Variants in COL9A1 observed in about 807,000 individuals in gnomAD.
COL9A1 encodes the protein collagen type IX alpha 1 chain.
A neutral mutation model predicts 142.6 loss-of-function variants in COL9A1; 104 were observed. The ratio of observed to expected loss-of-function variants is 0.73; its 90% confidence interval spans 0.62 to 0.86. COL9A1 has a LOEUF of 0.86. Ranked by LOEUF, COL9A1 falls within the 40% of genes least tolerant of loss-of-function variation. The pLI is 0.00. For missense variants in COL9A1, 1,210 were observed against 1,176.6 expected (o/e 1.03, Z -0.42); for synonymous variants, 466 against 396.0 (o/e 1.18, Z -2.10).
At chr6:70,249,304 T>G (rs1446452563) in intron 28 of COL9A1, among the ~76,000 whole-genome samples, 1 of 152,096 alleles carries the variant, frequency 6.6e-6, no homozygotes, top group African/African-American at 2.4e-5. Flanking sequence ...GCATTTTTGT[T>G]TGTCCCAGTG....
At chr6:70,286,519 A>G (rs1374628504) in intron 5 of COL9A1, among the ~76,000 whole-genome samples, 1 of 152,234 alleles carries the variant, frequency 6.6e-6, no homozygotes, top group Non-Finnish European at 1.5e-5. Flanking sequence ...AAATTTTACA[A>G]CTATAAAACA....
intron 5 of COL9A1, 138 bp downstream of exon 5, chr6:70,294,029 T>G: frequency 8.6e-7 from 1 of 1,163,662 alleles, no homozygotes; most frequent in South Asian, 1.3e-5. Flanking sequence ...GACCAGAAGC[T>G]ATCTACTTAA....
chr6:70,234,463 TGTGTATCTAC>T, intron 35 of COL9A1, 66 bp downstream of exon 35: 1 of 1,448,678 alleles, frequency 6.9e-7, no homozygotes, highest in Non-Finnish European at 9.7e-7. Context: ...TGTTTACCCT[TGTGTATCTAC>T]AAGAATAAAA....
chr6:70,257,440 T>G (rs539099615), intron 20 of COL9A1, among the ~76,000 whole-genome samples: 73 of 152,216 alleles, frequency 4.8e-4, no homozygotes, highest in African/African-American at 1.5e-3. Flanking sequence ...ATTAATAGAT[T>G]GGTAAATCTA....
intron 17 of COL9A1, among the ~76,000 whole-genome samples, chr6:70,268,420 G>T (rs926645853): frequency 1.3e-5 from 2 of 152,058 alleles, no homozygotes; most frequent in African/African-American, 2.4e-5. Flanking sequence ...TCCCTCTGTT[G>T]TCCAGGTTGG....
At chr6:70,270,217 A>G (rs2127589691) in intron 15 of COL9A1, 97 bp downstream of exon 15, 2 of 1,246,448 alleles carry the variant, frequency 1.6e-6, no homozygotes, top group Non-Finnish European at 2.4e-6. Context: ...ATTTGGGACA[A>G]TGACTCAATT....
chr6:70,242,056 C>G (rs2127565945), intron 29 of COL9A1, 21 bp from the exon 30 acceptor site: 1 of 1,577,086 alleles, frequency 6.3e-7, no homozygotes. Context: ...AAAACAAAGT[C>G]CCCGGAGTTA....
chr6:70,287,026 T>C (rs1583337583), intron 5 of COL9A1, among the ~76,000 whole-genome samples: 1 of 152,236 alleles, frequency 6.6e-6, no homozygotes, highest in South Asian at 2.1e-4. Context: ...ATAAATACTA[T>C]AGCAGTGGAG....
chr6:70,230,133 A>G (rs1769458967), intron 36 of COL9A1, among the ~76,000 whole-genome samples: 1 of 152,216 alleles, frequency 6.6e-6, no homozygotes, highest in Non-Finnish European at 1.5e-5. Context: ...TGAAAATTTA[A>G]GTTTCAAATT....
chr6:70,245,725 T>G (rs1365533384), intron 28 of COL9A1: 2 of 152,096 alleles, frequency 1.3e-5, no homozygotes, highest in Non-Finnish European at 2.9e-5. Context: ...GAGGCCGAGG[T>G]GGGTGGATCA....
At chr6:70,280,541 G>A (rs951375938) in intron 10 of COL9A1, 5 of 1,387,552 alleles carry the variant, frequency 3.6e-6, no homozygotes, top group East Asian at 5.5e-5. Context: ...GTGAGGTCAC[G>A]GTTAGAGACA....
In COL9A1 at chr6:70,235,038, G is replaced by A. The variant is rs377435733; in HGVS notation, c.2113-98C>T. 12 of 1,449,052 alleles carry A rather than the reference G, an allele frequency of 8.3e-6. No individual in the cohort carries two copies. In the East Asian group the frequency reaches 9.5e-5, roughly 11 times the overall value. 89.8% of individuals were successfully genotyped at this position (1,449,052 alleles called of 1,614,324 possible). A position where few individuals can be genotyped will look rare whatever the true frequency, so the allele number is the denominator to read the frequency against. On this transcript the variant is annotated intron_variant, in intron 33 of 37. Transcript: ENST00000357250. ...ACTTATATGAAATTTGCGGTTTCCT[G>A]CACTCTGCATCCTAACAGGTGTTCT... is the stretch of plus-strand genomic sequence containing the variant.
intron 28 of COL9A1, among the ~76,000 whole-genome samples, chr6:70,251,662 T>G (rs1298421625): frequency 6.6e-6 from 1 of 152,236 alleles, no homozygotes; most frequent in Non-Finnish European, 1.5e-5. Flanking sequence ...GATTAGTGGT[T>G]GTCTAAAACT....
intron 33 of COL9A1, 76 bp from the exon 34 acceptor site, chr6:70,235,016 T>G: frequency 6.3e-7 from 1 of 1,591,644 alleles, no homozygotes; most frequent in Non-Finnish European, 8.6e-7. Flanking sequence ...TATAAACACT[T>G]ATATGAAATT....
At position 70,232,513 on chromosome 6, in the gene COL9A1, C is replaced by T. The variant is rs142257977; in HGVS notation, c.2503+70G>A. 5.3e-5 allele frequency: 81 copies of T among 1,532,446 alleles called. 1 individual carries two copies. The African/African-American group carries it at 1.0e-3, about 19-fold the overall frequency. The allele number at this position is 1,532,446 out of a possible 1,614,324, so 94.9% of individuals were successfully genotyped here. ...AGAAATTGGTAAAACATAAATTCCTCGAGCTTGATACAGATTATACATCTG... is the reference window on the plus strand; with the variant it reads ...AGAAATTGGTAAAACATAAATTCCTTGAGCTTGATACAGATTATACATCTG... On this transcript the variant is annotated intron_variant, in intron 36 of 37. Transcript: ENST00000357250.
At chr6:70,298,807 G>C (rs1254510870) in intron 4 of COL9A1, among the ~76,000 whole-genome samples, 2 of 152,114 alleles carry the variant, frequency 1.3e-5, no homozygotes, top group Non-Finnish European at 2.9e-5. Flanking sequence ...TTCCATACAT[G>C]AAAAGAAATT....
chr6:70,287,539 C>G (rs1165778973), intron 5 of COL9A1, among the ~76,000 whole-genome samples: 1 of 151,966 alleles, frequency 6.6e-6, no homozygotes, highest in Non-Finnish European at 1.5e-5. Context: ...AAGAAAAATC[C>G]TCCCCACATT....
At chr6:70,226,397 C>A (rs1192820534) in intron 36 of COL9A1, among the ~76,000 whole-genome samples, 1 of 152,054 alleles carries the variant, frequency 6.6e-6, no homozygotes, top group Non-Finnish European at 1.5e-5. Flanking sequence ...TATAAAGACG[C>A]CTACTTTATC....
chr6:70,280,491 C>A lies in COL9A1; in HGVS notation c.975+321G>T, dbSNP rs1007288242. 9.8e-6 allele frequency: 13 copies of A among 1,324,902 alleles called. No individual in the cohort carries two copies. The African/African-American group carries it at 1.2e-4, about 12-fold the overall frequency. 82.1% of individuals were successfully genotyped at this position (1,324,902 alleles called of 1,614,324 possible). ...GTACAATCTATTGCCATCCGTACCC[C>A]CTCTGGCCCCAGTGGGGCTGAGAGT... On this transcript the variant is annotated intron_variant, in intron 10 of 37. Coordinates refer to ENST00000357250, the MANE Select transcript of COL9A1 (RefSeq NM_001851.6).
Sources: allele counts gnomAD v4.1 joint callset (sites outside exome capture counted in the v4.1 genomes callset), GRCh38; gene constraint gnomAD v4.1.1; transcripts MANE v1.5; gene names NCBI Gene and HGNC (gene_info 2026-07-23, HGNC 2026-07-21).